Variants in UBE3A observed in about 807,000 individuals in gnomAD.
The protein encoded by UBE3A is ubiquitin-protein ligase E3A.
Under a neutral mutation model 83.4 loss-of-function variants are expected in UBE3A, and 6 were observed. That is an observed-to-expected ratio of 0.07 (90% CI 0.04 to 0.14). The LOEUF (loss-of-function observed/expected upper bound fraction) is 0.14, where lower values mean the gene tolerates loss of function less well. UBE3A is among the 10% of genes least tolerant of loss of function. The pLI is 1.00. For synonymous variants in UBE3A, 337 were observed against 355.4 expected (o/e 0.95, Z 0.58); for missense variants, 456 against 1,036.1 (o/e 0.44, Z 7.69).
chr15:25,351,251 A>G (rs959942643), intron 11 of UBE3A, among the ~76,000 whole-genome samples: 3 of 152,234 alleles, frequency 2.0e-5, no homozygotes, highest in African/African-American at 7.2e-5. Context: ...CATAGAGTTG[A>G]TGAGAAAGAG....
At chr15:25,386,254 C>A (rs1447848690) in intron 4 of UBE3A, among the ~76,000 whole-genome samples, 1 of 152,182 alleles carries the variant, frequency 6.6e-6, no homozygotes, top group Non-Finnish European at 1.5e-5. Context: ...CTACACCTTA[C>A]AACCACATTA....
rs866181032 is a variant in UBE3A at position 25,405,348 on chromosome 15, C to T, written c.62+113G>A. 1.1e-5 allele frequency: 14 copies of T among 1,267,500 alleles called. 1 individual carries two copies. In the Middle Eastern group the frequency reaches 2.6e-3, roughly 239 times the overall value. 78.5% of individuals were successfully genotyped at this position (1,267,500 alleles called of 1,614,324 possible). On this transcript the variant is annotated intron_variant, in intron 4 of 12. Coordinates refer to ENST00000648336, the MANE Select transcript of UBE3A (RefSeq NM_130839.5). ...GTATGTTCCTATCTCCCATTTACTGCTAAATGATTCCTTTCTTTTAACCAG... is the reference window on the plus strand; with the variant it reads ...GTATGTTCCTATCTCCCATTTACTGTTAAATGATTCCTTTCTTTTAACCAG...
intron 1 of UBE3A, among the ~76,000 whole-genome samples, chr15:25,437,200 T>C (rs575729793): frequency 1.3e-5 from 2 of 152,296 alleles, no homozygotes; most frequent in South Asian, 4.1e-4. Context: ...GTAGCTTGGA[T>C]TTAAAAACAG....
chr15:25,415,788 T>C (rs937666048), intron 1 of UBE3A: 1 of 149,932 alleles, frequency 6.7e-6, no homozygotes, highest in African/African-American at 2.5e-5. Flanking sequence ...ATCTCTTCCA[T>C]ATTTTACTTT....
In UBE3A at chr15:25,407,145, TTGA is replaced by T. The variant is rs1567104336; in HGVS notation, c.21-1646_21-1644del. 3.0e-6 allele frequency: 4 copies of T among 1,349,978 alleles called. No homozygotes were observed. In the Admixed American group the frequency reaches 7.6e-5, roughly 26 times the overall value. 83.6% of individuals were successfully genotyped at this position (1,349,978 alleles called of 1,614,324 possible). ...ATCTCCCAGACAGAAGAGCTAAAAA[TTGA>T]TGATAACCCCATGTACCAGCTGACT... On this transcript the variant is annotated intron_variant, in intron 3 of 12. Coordinates refer to ENST00000648336, the MANE Select transcript of UBE3A (RefSeq NM_130839.5).
chr15:25,390,016 T>A (rs1043217387), intron 4 of UBE3A, among the ~76,000 whole-genome samples: 1 of 152,036 alleles, frequency 6.6e-6, no homozygotes. Flanking sequence ...ACCAAAGATA[T>A]ACAGATGGCA....
At chr15:25,402,761 T>C (rs1567086260) in intron 4 of UBE3A, among the ~76,000 whole-genome samples, 1 of 152,216 alleles carries the variant, frequency 6.6e-6, no homozygotes, top group Non-Finnish European at 1.5e-5. Flanking sequence ...TGTAAAACTG[T>C]CCTTCTTACC....
chr15:25,425,197 G>T (rs1360467266), intron 1 of UBE3A, among the ~76,000 whole-genome samples: 1 of 151,980 alleles, frequency 6.6e-6, no homozygotes, highest in African/African-American at 2.4e-5. Context: ...GTAAGTAAAA[G>T]AACCCACACA....
chr15:25,341,709 G>A (rs2074841446), intron 11 of UBE3A, among the ~76,000 whole-genome samples: 1 of 143,480 alleles, frequency 7.0e-6, no homozygotes, highest in African/African-American at 2.6e-5. Flanking sequence ...GCTGCAATGA[G>A]CTGAGATCAC....
intron 11 of UBE3A, chr15:25,354,138 A>C: frequency 1.7e-6 from 1 of 600,382 alleles, no homozygotes; most frequent in Non-Finnish European, 2.9e-6. Flanking sequence ...AGGAGATTAC[A>C]TGAGACTTAT....
At chr15:25,383,719 A>T (rs1294243746) in intron 4 of UBE3A, among the ~76,000 whole-genome samples, 1 of 152,206 alleles carries the variant, frequency 6.6e-6, no homozygotes, top group Non-Finnish European at 1.5e-5. Context: ...ATATATAGAA[A>T]GACCACAGCT....
intron 4 of UBE3A, among the ~76,000 whole-genome samples, chr15:25,393,288 T>C (rs904542610): frequency 6.6e-6 from 1 of 152,222 alleles, no homozygotes; most frequent in South Asian, 2.1e-4. Context: ...GTTTCTGGTA[T>C]GGGCAACAAG....
chr15:25,378,265 G>A (rs1243997590), intron 4 of UBE3A, among the ~76,000 whole-genome samples: 1 of 152,096 alleles, frequency 6.6e-6, no homozygotes, highest in Non-Finnish European at 1.5e-5. Flanking sequence ...CTACATAGGA[G>A]GAGAGTGATC....
At chr15:25,412,898 C>A in intron 1 of UBE3A, 1 of 298,300 alleles carries the variant, frequency 3.4e-6, no homozygotes, top group South Asian at 2.8e-5. Flanking sequence ...GGGCTCTACT[C>A]GCAAAGATTT....
chr15:25,415,539 T>A (rs1023080539), intron 1 of UBE3A, among the ~76,000 whole-genome samples: 15 of 152,060 alleles, frequency 9.9e-5, no homozygotes, highest in African/African-American at 2.4e-4. Flanking sequence ...CTAACCTCTA[T>A]CCCCCACCCA....
At chr15:25,381,351 C>G (rs1013456466) in intron 4 of UBE3A, among the ~76,000 whole-genome samples, 1 of 151,994 alleles carries the variant, frequency 6.6e-6, no homozygotes, top group African/African-American at 2.4e-5. Flanking sequence ...ATAGAAACAG[C>G]TGCCAGAAAG....
chr15:25,375,848 G>T, intron 4 of UBE3A, 85 bp from the exon 5 acceptor site: 1 of 1,501,772 alleles, frequency 6.7e-7, no homozygotes, highest in Non-Finnish European at 9.1e-7. Flanking sequence ...GCAAAAGTTA[G>T]TCAAGCACTG....
chr15:25,414,261 T>C (rs2090485858), intron 1 of UBE3A, among the ~76,000 whole-genome samples: 1 of 152,152 alleles, frequency 6.6e-6, no homozygotes, highest in South Asian at 2.1e-4. Context: ...TCATTTTTAT[T>C]TGCCCTAACC....
intron 6 of UBE3A, among the ~76,000 whole-genome samples, chr15:25,368,004 T>C (rs2079602929): frequency 6.6e-6 from 1 of 152,090 alleles, no homozygotes; most frequent in Non-Finnish European, 1.5e-5. Context: ...ATAATTTTAT[T>C]TATCAATATT....
Sources: gnomAD v4.1 joint callset for allele counts (sites outside exome capture counted in the v4.1 genomes callset) on GRCh38, gnomAD v4.1.1 for gene constraint, MANE v1.5 for transcripts, NCBI Gene and HGNC (gene_info 2026-07-23, HGNC 2026-07-21) for gene names.